The following CAB39 variants were observed in gnomAD, a reference collection of about 807,000 sequenced individuals.
The protein encoded by CAB39 is calcium-binding protein 39.
In CAB39, 8 loss-of-function variants were observed where a neutral mutation model predicts 40.0. The observed-to-expected ratio is 0.20, with a 90% CI of 0.12 to 0.36. The LOEUF is 0.36. Ranked by LOEUF, CAB39 falls within the 10% of genes least tolerant of loss-of-function variation. The pLI is 1.00. For missense variants in CAB39, 270 were observed against 401.1 expected, an observed-to-expected ratio of 0.67 and a Z score of 2.79; for synonymous variants, 156 against 141.6, an observed-to-expected ratio of 1.10 and a Z score of -0.72.
chr2:230,786,503 T>G (rs894569737), intron 2 of CAB39, among the ~76,000 whole-genome samples: 2 of 152,194 alleles, frequency 1.3e-5, no homozygotes, highest in Non-Finnish European at 2.9e-5. Flanking sequence ...TTAGGACATT[T>G]TGTCACCTCA....
chr2:230,758,754 C>T (rs1211760379), intron 1 of CAB39, among the ~76,000 whole-genome samples: 11 of 152,064 alleles, frequency 7.2e-5, no homozygotes, highest in African/African-American at 2.4e-4. Flanking sequence ...GCACCTTGGG[C>T]AGTTAAATAT....
intron 1 of CAB39, among the ~76,000 whole-genome samples, chr2:230,759,694 G>A (rs763709097): frequency 2.0e-5 from 3 of 152,182 alleles, no homozygotes; most frequent in Non-Finnish European, 2.9e-5. Flanking sequence ...CAGCATGTTC[G>A]TCCCCATTTG....
At chr2:230,786,033 G>C (rs1426652024) in intron 2 of CAB39, among the ~76,000 whole-genome samples, 1 of 151,450 alleles carries the variant, frequency 6.6e-6, no homozygotes, top group Non-Finnish European at 1.5e-5. Context: ...GTGTTGTGGC[G>C]GGTGCCTGTA....
At chr2:230,787,757 G>C (rs1011450554) in intron 2 of CAB39, among the ~76,000 whole-genome samples, 1 of 152,172 alleles carries the variant, frequency 6.6e-6, no homozygotes, top group East Asian at 1.9e-4. Flanking sequence ...TTCTTAGGAG[G>C]TTAATCAAAG....
chr2:230,758,289 C>T (rs1221794892), intron 1 of CAB39, among the ~76,000 whole-genome samples: 3 of 124,340 alleles, frequency 2.4e-5, no homozygotes, highest in Admixed American at 9.1e-5. Flanking sequence ...GGTGACACAG[C>T]GAGACTCCAA....
At chr2:230,760,453 A>G (rs79454176) in intron 2 of CAB39, among the ~76,000 whole-genome samples, 3,128 of 152,270 alleles carry the variant, frequency 0.021, 95 homozygotes, top group African/African-American at 0.071. Flanking sequence ...CCAAGCCTCA[A>G]GCGATCTTTC....
intron 2 of CAB39, among the ~76,000 whole-genome samples, chr2:230,771,476 A>G (rs570762191): frequency 6.6e-6 from 1 of 152,314 alleles, no homozygotes; most frequent in East Asian, 1.9e-4. Flanking sequence ...CTGCTAAGAG[A>G]AATTAGCCCA....
chr2:230,777,731 C>G (rs994770285), intron 2 of CAB39, among the ~76,000 whole-genome samples: 9 of 152,034 alleles, frequency 5.9e-5, no homozygotes, highest in Non-Finnish European at 1.2e-4. Flanking sequence ...TAAAGCCTGC[C>G]GTGGTTCTTC....
At chr2:230,739,651 C>A (rs764660334) in intron 1 of CAB39, among the ~76,000 whole-genome samples, 1 of 152,208 alleles carries the variant, frequency 6.6e-6, no homozygotes, top group African/African-American at 2.4e-5. Flanking sequence ...TGCGCCACCA[C>A]GCCCAGCTAA....
At chr2:230,796,558 A>G (rs1695991208) in intron 4 of CAB39, among the ~76,000 whole-genome samples, 1 of 152,124 alleles carries the variant, frequency 6.6e-6, no homozygotes, top group Admixed American at 6.5e-5. Context: ...GATGAATTGT[A>G]TGATCAGCCA....
At position 230,759,373 on chromosome 2, in the gene CAB39, C is replaced by A. The variant is rs112446473; in HGVS notation, c.-43-586C>A. On this transcript the variant is annotated intron_variant, in intron 1 of 8. Transcript: ENST00000258418. ...GAGAGACCTAGATAGTAGGCTGTTG[C>A]TAGTGCTGTTTGGCTAAACACCCTA... Among the ~76,000 whole-genome samples, 1,287 of 152,292 alleles carry A rather than the reference C, an allele frequency of 8.5e-3. 16 individuals carry two copies. The highest frequency in any genetic ancestry group is 0.028 in the African/African-American group (1,151 of 41,542).
rs945241939 is a variant in CAB39, at chr2:230,793,501, T to C, written c.398+170T>C. 7.9e-5 allele frequency among the ~76,000 whole-genome samples: 12 copies of C among 152,248 alleles called. No homozygotes were observed. The East Asian group carries it at 2.3e-3, about 29-fold the overall frequency. On this transcript the variant is annotated intron_variant, in intron 4 of 8. Transcript: ENST00000258418. ...TTGAAATTCAACTTGTGAGCTAAATTGAATTTGAAAATGCCCTACAGGTGG... is the reference window on the plus strand; with the variant it reads ...TTGAAATTCAACTTGTGAGCTAAATCGAATTTGAAAATGCCCTACAGGTGG...
intron 1 of CAB39, among the ~76,000 whole-genome samples, chr2:230,745,714 C>T (rs547245353): frequency 1.3e-5 from 2 of 152,188 alleles, no homozygotes; most frequent in South Asian, 2.1e-4. Context: ...GCAACCTCCA[C>T]CTCCCGGGTT....
At chr2:230,734,659 C>G (rs1218989991) in intron 1 of CAB39, among the ~76,000 whole-genome samples, 1 of 152,156 alleles carries the variant, frequency 6.6e-6, no homozygotes, top group Non-Finnish European at 1.5e-5. Flanking sequence ...TGACCCAGAC[C>G]ACATCTTCAT....
At chr2:230,790,456 C>T (rs1201859734) in intron 2 of CAB39, among the ~76,000 whole-genome samples, 1 of 152,136 alleles carries the variant, frequency 6.6e-6, no homozygotes, top group Non-Finnish European at 1.5e-5. Flanking sequence ...TGTACTTTCC[C>T]TTCTCCCTCA....
intron 1 of CAB39, chr2:230,725,126 G>A: frequency 6.2e-7 from 1 of 1,612,672 alleles, no homozygotes; most frequent in Non-Finnish European, 8.5e-7. Context: ...TGGGGATTGA[G>A]AGCTTCCCAG....
Position 230,790,735 on chromosome 2 carries a change from C to T in CAB39, c.115-137C>T, listed in dbSNP as rs1695879379. ...CCAGCTCCTGAGGGCAAGGATGGAG[C>T]TTGCCCACTTTGCTTCTTGTTCATA... is the stretch of plus-strand genomic sequence containing the variant. On this transcript the variant is annotated intron_variant, in intron 2 of 8. Coordinates refer to ENST00000258418, the MANE Select transcript of CAB39 (RefSeq NM_016289.4). 4.2e-6 allele frequency: 3 copies of T among 708,120 alleles called. No homozygotes were observed. In the South Asian group the frequency reaches 5.6e-5, roughly 13 times the overall value. The allele number at this position is 708,120 out of a possible 1,614,324, so 43.9% of individuals were successfully genotyped here.
At chr2:230,813,976 G>GTCTTTTTTTT in intron 6 of CAB39, 73 bp from the exon 7 acceptor site, 1 of 261,654 alleles carries the variant, frequency 3.8e-6, no homozygotes, top group Non-Finnish European at 6.2e-6. Context: ...TTACCTACCA[G>GTCTTTTTTTT]TCTTTTTTTT....
At chr2:230,788,401 C>T (rs1341437903) in intron 2 of CAB39, among the ~76,000 whole-genome samples, 2 of 151,762 alleles carry the variant, frequency 1.3e-5, no homozygotes, top group African/African-American at 4.8e-5. Flanking sequence ...GCTATTGTTG[C>T]CGTATTTTTT....
Sources: allele counts gnomAD v4.1 joint callset (sites outside exome capture counted in the v4.1 genomes callset), GRCh38; gene constraint gnomAD v4.1.1; transcripts MANE v1.5; gene names NCBI Gene and HGNC (gene_info 2026-07-23, HGNC 2026-07-21).